The following HDAC8 variants were observed in gnomAD, a reference collection of about 807,000 sequenced individuals.
The protein encoded by HDAC8 is histone deacetylase-like 1.
In HDAC8, 1 loss-of-function variant was observed where a neutral mutation model predicts 32.2. That is an observed-to-expected ratio of 0.03 (90% CI 0.01 to 0.15). HDAC8 has a LOEUF of 0.15. Among genes scored for constraint, HDAC8 ranks in the 10% least tolerant of loss-of-function variants. The pLI is 1.00. For synonymous variants in HDAC8, 108 were observed against 113.9 expected (o/e 0.95, Z 0.33); for missense variants, 117 against 300.0 (o/e 0.39, Z 4.51).
At chrX:72,515,248 G>A (rs1447327201) in intron 4 of HDAC8, among the ~76,000 whole-genome samples, 6 of 110,802 alleles carry the variant, frequency 5.4e-5, no homozygotes, top group Non-Finnish European at 9.4e-5. Flanking sequence ...CTGTTTTTGA[G>A]TCTGACCTTT....
At chrX:72,468,057 G>A in intron 7 of HDAC8, 2 of 1,162,505 alleles carry the variant, frequency 1.7e-6, no homozygotes, top group South Asian at 4.0e-5. Context: ...CAGAAAGGTA[G>A]GGCATCTTGT....
At chrX:72,424,417 T>C (rs782638350) in intron 9 of HDAC8, among the ~76,000 whole-genome samples, 1 of 111,709 alleles carries the variant, frequency 9.0e-6, no homozygotes, top group Non-Finnish European at 1.9e-5. Context: ...CATATTTTTC[T>C]TCTCTTTTCT....
At position 72,453,468 on chromosome X, in the gene HDAC8, G is replaced by T. The variant is rs782392255; in HGVS notation, c.1005+8536C>A. Among the ~76,000 whole-genome samples the T allele has an allele frequency of 3.9e-4, 31 of 78,577 alleles. 1 individual carries two copies. Among genetic ancestry groups the T allele is most frequent in the African/African-American group, 1.2e-3 (21 of 16,958 alleles). 68.2% of individuals were successfully genotyped at this position (78,577 alleles called of 115,157 possible). Reference sequence around the variant, plus strand: ...TAAGACTCTGTCTCTTAAAAATAAAGAAAGAAAGAAAGAAAGAAAGAAAGA... The same window carrying T: ...TAAGACTCTGTCTCTTAAAAATAAATAAAGAAAGAAAGAAAGAAAGAAAGA... On this transcript the variant is annotated intron_variant, in intron 9 of 10. Coordinates refer to ENST00000373573, the MANE Select transcript of HDAC8 (RefSeq NM_018486.3).
intron 9 of HDAC8, among the ~76,000 whole-genome samples, chrX:72,391,972 A>G (rs1228091940): frequency 8.9e-6 from 1 of 112,007 alleles, no homozygotes; most frequent in Non-Finnish European, 1.9e-5. Flanking sequence ...CAATGCCTGC[A>G]TATAGCGGTA....
intron 9 of HDAC8, among the ~76,000 whole-genome samples, chrX:72,426,934 T>C (rs913748461): frequency 9.1e-6 from 1 of 109,978 alleles, no homozygotes; most frequent in Non-Finnish European, 1.9e-5. Context: ...TCTCTCTCTC[T>C]GCACACATTA....
chrX:72,480,744 T>TC (rs2148095899), intron 7 of HDAC8, among the ~76,000 whole-genome samples: 1 of 111,935 alleles, frequency 8.9e-6, no homozygotes, highest in East Asian at 2.8e-4. Context: ...AGAGTTCATG[T>TC]CCTTTGCAGG....
At chrX:72,363,301 T>A (rs1334094395) in intron 9 of HDAC8, among the ~76,000 whole-genome samples, 3 of 112,157 alleles carry the variant, frequency 2.7e-5, no homozygotes, top group African/African-American at 9.7e-5. Context: ...GTTTTTTACA[T>A]CAAATTTTCC....
At chrX:72,335,924 A>C (rs1555942323) in intron 10 of HDAC8, among the ~76,000 whole-genome samples, 2 of 107,517 alleles carry the variant, frequency 1.9e-5, no homozygotes, top group East Asian at 2.8e-4. Context: ...AAAAAAAAAA[A>C]AATTAACAAC....
At chrX:72,398,706 A>G (rs1292211476) in intron 9 of HDAC8, among the ~76,000 whole-genome samples, 1 of 109,965 alleles carries the variant, frequency 9.1e-6, no homozygotes, top group African/African-American at 3.3e-5. Flanking sequence ...ATGAGTACTA[A>G]AGATGTTCTT....
chrX:72,552,295 C>T (rs1435866990), intron 4 of HDAC8, among the ~76,000 whole-genome samples: 2 of 108,055 alleles, frequency 1.9e-5, no homozygotes, highest in African/African-American at 6.8e-5. Flanking sequence ...GACCCCATCT[C>T]TACAAAAAAA....
rs373041820 is a variant in HDAC8 at position 72,474,684 on chromosome X, C to T, written c.738-9953G>A. On this transcript the variant is annotated intron_variant, in intron 7 of 10. Transcript: ENST00000373573. ...CTATGCAAATGGGGAAGACAAGCTGCGGCAGCTGCTTCTACAGGCCTGGAT... is the reference window on the plus strand; with the variant it reads ...CTATGCAAATGGGGAAGACAAGCTGTGGCAGCTGCTTCTACAGGCCTGGAT... 3.7e-5 allele frequency: 44 copies of T among 1,204,913 alleles called. No homozygotes were observed. In the East Asian group the frequency reaches 5.9e-4, roughly 16 times the overall value.
At chrX:72,445,335 A>C (rs1423332568) in intron 9 of HDAC8, among the ~76,000 whole-genome samples, 2 of 111,136 alleles carry the variant, frequency 1.8e-5, no homozygotes, top group African/African-American at 6.6e-5. Flanking sequence ...CAAAACAGAG[A>C]TATAGATCAA....
chrX:72,509,626 A>G (rs1366290186), intron 4 of HDAC8, among the ~76,000 whole-genome samples: 1 of 111,904 alleles, frequency 8.9e-6, no homozygotes, highest in Non-Finnish European at 1.9e-5. Context: ...GCCAGACAAG[A>G]AGGACAAATG....
At chrX:72,567,028 C>A (rs1420062187) in intron 4 of HDAC8, among the ~76,000 whole-genome samples, 3 of 111,888 alleles carry the variant, frequency 2.7e-5, no homozygotes, top group African/African-American at 9.8e-5. Context: ...GCCTGTAATT[C>A]CAGCTACTCA....
In HDAC8 at chrX:72,329,891, C is replaced by T; in HGVS notation, c.*163G>A. 1.3e-6 allele frequency: 1 copy of T among 789,979 alleles called. No homozygotes were observed. Among genetic ancestry groups the T allele is most frequent in the Non-Finnish European group, 1.8e-6 (1 of 543,149 alleles). The allele number at this position is 789,979 out of a possible 1,213,427, so 65.1% of individuals were successfully genotyped here. A position where few individuals can be genotyped will look rare whatever the true frequency, so the allele number is the denominator to read the frequency against. ...ACTCTGGGGTGCCTGCCTCTTCACC[C>T]CAGGAAGCCAGCTGCCACTTGATGC... On this transcript the variant is annotated 3_prime_UTR_variant, in exon 11 of 11. Coordinates refer to ENST00000373573, the MANE Select transcript of HDAC8 (RefSeq NM_018486.3).
chrX:72,564,298 A>C (rs2051699441), intron 4 of HDAC8, among the ~76,000 whole-genome samples: 1 of 112,590 alleles, frequency 8.9e-6, no homozygotes, highest in African/African-American at 3.2e-5. Context: ...ATTTCTTCTT[A>C]TACATTATAT....
rs58158867 is a variant in HDAC8 at position 72,409,694 on chromosome X, G to A, written c.1005+52310C>T. ...AATCAATTCAAATGCCACTTCCTCT[G>A]TGAAGTCTTTCTCAATTCGCTCAAT... On this transcript the variant is annotated intron_variant, in intron 9 of 10. Coordinates refer to ENST00000373573, the MANE Select transcript of HDAC8 (RefSeq NM_018486.3). Among the ~76,000 whole-genome samples, 36 of 112,564 alleles carry A rather than the reference G, an allele frequency of 3.2e-4. 1 individual carries two copies. In the East Asian group the frequency reaches 0.01, roughly 31 times the overall value.
chrX:72,370,344 G>C (rs900652649), intron 9 of HDAC8, among the ~76,000 whole-genome samples: 24 of 111,935 alleles, frequency 2.1e-4, no homozygotes, highest in African/African-American at 7.8e-4. Flanking sequence ...TGATGTATTA[G>C]GGTTCTCTAG....
At chrX:72,390,781 A>G (rs1278826456) in intron 9 of HDAC8, among the ~76,000 whole-genome samples, 1 of 112,093 alleles carries the variant, frequency 8.9e-6, no homozygotes, top group Non-Finnish European at 1.9e-5. Flanking sequence ...CTGGATCCAG[A>G]CACCCAATAA....
Sources: gnomAD v4.1 joint callset for allele counts (sites outside exome capture counted in the v4.1 genomes callset) on GRCh38, gnomAD v4.1.1 for gene constraint, MANE v1.5 for transcripts, NCBI Gene and HGNC (gene_info 2026-07-23, HGNC 2026-07-21) for gene names.